VPS41: variants seen among roughly 807,000 people sequenced by gnomAD.
The protein encoded by VPS41 is vacuolar protein sorting-associated protein 41 homolog.
Under a neutral mutation model 130.9 loss-of-function variants are expected in VPS41, and 85 were observed. That is an observed-to-expected ratio of 0.65 (90% confidence interval 0.55 to 0.78). VPS41 has a LOEUF of 0.78. Among genes scored for constraint, VPS41 ranks in the 30% least tolerant of loss-of-function variants. The pLI is 0.00. For missense variants in VPS41, 874 were observed against 1,018.7 expected (o/e 0.86, Z 1.93); for synonymous variants, 335 against 332.9 (o/e 1.01, Z -0.07).
Position 38,754,758 on chromosome 7 carries a change from T to C in VPS41, c.1738-6A>G. The C allele has an allele frequency of 6.2e-7, 1 of 1,612,554 alleles. No individual in the cohort carries two copies. Among genetic ancestry groups the C allele is most frequent in the Non-Finnish European group, 8.5e-7 (1 of 1,179,068 alleles). ...TCTTCCACTACCTTTTTAATCTAGA[T>C]AAAAAAGAAAAGTTTCAAGGTGGAG... is the stretch of plus-strand genomic sequence containing the variant. On this transcript the variant is annotated splice_polypyrimidine_tract_variant and splice_region_variant and intron_variant, in intron 20 of 28. Transcript: ENST00000310301.
At chr7:38,800,173 T>C (rs898110904) in intron 7 of VPS41, among the ~76,000 whole-genome samples, 1 of 152,158 alleles carries the variant, frequency 6.6e-6, no homozygotes, top group Non-Finnish European at 1.5e-5. Flanking sequence ...CATAATACGA[T>C]GGAGCACACA....
At chr7:38,793,553 A>G (rs1045224816) in intron 9 of VPS41, among the ~76,000 whole-genome samples, 6 of 152,222 alleles carry the variant, frequency 3.9e-5, no homozygotes, top group Non-Finnish European at 8.8e-5. Flanking sequence ...AAGAAAGGGT[A>G]TATGTTTCCC....
In VPS41 at chr7:38,817,813, T is replaced by C; in HGVS notation, c.450+4A>G. On this transcript the variant is annotated splice_donor_region_variant and intron_variant, in intron 7 of 28. Coordinates refer to ENST00000310301, the MANE Select transcript of VPS41 (RefSeq NM_014396.4). Reference sequence around the variant, plus strand: ...ATATCAAGGTAGAGACACACAGCACTTACCTTCTTCCCTCCGGTCACAAAC... The same window carrying C: ...ATATCAAGGTAGAGACACACAGCACCTACCTTCTTCCCTCCGGTCACAAAC... 1.2e-6 allele frequency: 2 copies of C among 1,612,690 alleles called. No individual in the cohort carries two copies. Among genetic ancestry groups the C allele is most frequent in the Non-Finnish European group, 1.7e-6 (2 of 1,178,678 alleles).
At chr7:38,793,416 A>C (rs1269619708) in intron 9 of VPS41, among the ~76,000 whole-genome samples, 2 of 152,074 alleles carry the variant, frequency 1.3e-5, no homozygotes, top group Admixed American at 1.3e-4. Context: ...CCTTCAACAG[A>C]ACTCACTAAG....
intron 4 of VPS41, among the ~76,000 whole-genome samples, chr7:38,846,019 G>A (rs1398605042): frequency 6.6e-6 from 1 of 152,120 alleles, no homozygotes; most frequent in East Asian, 1.9e-4. Context: ...GAGTGATAGA[G>A]AAAGAAAAGC....
intron 15 of VPS41, 148 bp from the exon 16 acceptor site, chr7:38,765,809 C>A: frequency 1.8e-6 from 1 of 546,662 alleles, no homozygotes; most frequent in South Asian, 2.7e-5. Flanking sequence ...CAAGTACCAA[C>A]GAACATAAAG....
chr7:38,726,364 ATCT>A lies in VPS41; in HGVS notation c.2485-41_2485-39del, dbSNP rs748528433. 1.2e-5 allele frequency: 18 copies of A among 1,525,242 alleles called. No individual in the cohort carries two copies. In the African/African-American group the frequency reaches 2.5e-4, roughly 21 times the overall value. 94.5% of individuals were successfully genotyped at this position (1,525,242 alleles called of 1,614,324 possible). ...TTTAAAAACACATATTTAAAAAATGATCTTCTTTTTCTACTCTCATATTCAGAA... is the reference window on the plus strand; with the variant it reads ...TTTAAAAACACATATTTAAAAAATGATCTTTTTCTACTCTCATATTCAGAA... On this transcript the variant is annotated intron_variant, in intron 28 of 28. Coordinates refer to ENST00000310301, the MANE Select transcript of VPS41 (RefSeq NM_014396.4).
At position 38,741,984 on chromosome 7, in the gene VPS41, C is replaced by A; in HGVS notation, c.2259+1G>T. ...TCATTTGTCCAAGAAAGGATACTTA[C>A]TTGCAAATTGTAGTCTTGCAGAATT... On this transcript the variant is annotated splice_donor_variant, in intron 25 of 28. Transcript: ENST00000310301. LOFTEE classifies it high-confidence loss of function. 6.2e-7 allele frequency: 1 copy of A among 1,612,898 alleles called. No homozygotes were observed. The highest frequency in any genetic ancestry group is 8.5e-7 in the Non-Finnish European group (1 of 1,179,544).
At chr7:38,774,086 A>G (rs762067089) in intron 12 of VPS41, 29 bp downstream of exon 12, 3 of 1,559,848 alleles carry the variant, frequency 1.9e-6, no homozygotes, top group East Asian at 2.3e-5. Flanking sequence ...TTAAAAAAGC[A>G]TATCAGCCAG....
chr7:38,869,348 CCT>C, intron 2 of VPS41, 95 bp from the exon 3 acceptor site: 3 of 772,616 alleles, frequency 3.9e-6, no homozygotes, highest in Non-Finnish European at 6.3e-6. Flanking sequence ...AGAGATGGTT[CCT>C]TCAATGATGT....
At chr7:38,799,461 T>TA (rs898587321) in intron 7 of VPS41, among the ~76,000 whole-genome samples, 11 of 151,590 alleles carry the variant, frequency 7.3e-5, no homozygotes, top group Admixed American at 1.3e-4. Flanking sequence ...ATCAAAGTTG[T>TA]AAAAAAAAGG....
chr7:38,725,229 C>T lies in VPS41; in HGVS notation c.*1017G>A. 6.6e-6 allele frequency: 1 copy of T among 152,294 alleles called. No homozygotes were observed. The highest frequency in any genetic ancestry group is 1.5e-5 in the Non-Finnish European group (1 of 68,040). The allele number at this position is 152,294 out of a possible 1,614,324, so 9.4% of individuals were successfully genotyped here. On this transcript the variant is annotated 3_prime_UTR_variant, in exon 29 of 29. Coordinates refer to ENST00000310301, the MANE Select transcript of VPS41 (RefSeq NM_014396.4). ...ACTTTTACACTCATTAGAGGATGACCATATATCCCAAGGAAGATGAAGCCA... is the reference window on the plus strand; with the variant it reads ...ACTTTTACACTCATTAGAGGATGACTATATATCCCAAGGAAGATGAAGCCA...
chr7:38,875,166 C>A lies in VPS41; in HGVS notation c.61-5913G>T, dbSNP rs1313082724. On this transcript the variant is annotated intron_variant, in intron 2 of 28. Transcript: ENST00000310301. The stretch of plus-strand genomic sequence containing the variant: ...TAAGGAATAGTTCCAGTCACTATCA[C>A]AGGATATTAACACATTAACAACACG... Among the ~76,000 whole-genome samples, 5 of 152,232 alleles carry A rather than the reference C, an allele frequency of 3.3e-5. No homozygotes were observed. In the South Asian group the frequency reaches 8.3e-4, roughly 25 times the overall value.
rs747724960 is a variant in VPS41 at position 38,752,217 on chromosome 7, G to T, written c.1885C>A (p.Leu629Ile). ...LYAEYDRPNL[L>I]PFLRDSTHCP... ...TGGGTACTGTCTCGGAGAAAGGGAA[G>T]TAAGTTTGGTCGATCATATTCAGCA... The change falls in exon 22 of 29, where the codon CTT (leucine) becomes ATT (isoleucine). Residue 629 changes from leucine (L) to isoleucine (I), a missense_variant. Transcript: ENST00000310301. 6.2e-7 allele frequency: 1 copy of T among 1,613,988 alleles called. No homozygotes were observed.
At chr7:38,784,814 G>A (rs1784410771) in intron 10 of VPS41, among the ~76,000 whole-genome samples, 1 of 152,212 alleles carries the variant, frequency 6.6e-6, no homozygotes, top group Non-Finnish European at 1.5e-5. Context: ...CAGTGCTGCT[G>A]CAAGGGCTAA....
At chr7:38,864,420 A>T (rs1786183330) in intron 3 of VPS41, among the ~76,000 whole-genome samples, 1 of 152,190 alleles carries the variant, frequency 6.6e-6, no homozygotes, top group Non-Finnish European at 1.5e-5. Flanking sequence ...CTAAAACTAA[A>T]ACTATGTTAG....
chr7:38,899,820 T>C (rs1787103852), intron 1 of VPS41, among the ~76,000 whole-genome samples: 1 of 152,228 alleles, frequency 6.6e-6, no homozygotes, highest in Admixed American at 6.5e-5. Flanking sequence ...TGTACAGTTC[T>C]AAAAAGACAC....
At chr7:38,884,491 T>C (rs1042640460) in intron 2 of VPS41, among the ~76,000 whole-genome samples, 1 of 152,182 alleles carries the variant, frequency 6.6e-6, no homozygotes, top group Non-Finnish European at 1.5e-5. Context: ...GTAACAAAAA[T>C]TGTAAAGACA....
At chr7:38,784,703 T>G (rs1784408421) in intron 10 of VPS41, among the ~76,000 whole-genome samples, 1 of 151,992 alleles carries the variant, frequency 6.6e-6, no homozygotes, top group East Asian at 1.9e-4. Context: ...ACAGAGATGC[T>G]TAGATTCAAA....
Sources: allele counts gnomAD v4.1 joint callset (sites outside exome capture counted in the v4.1 genomes callset), GRCh38; gene constraint gnomAD v4.1.1; transcripts MANE v1.5; gene names NCBI Gene and HGNC (gene_info 2026-07-23, HGNC 2026-07-21).